Variants in COG5 observed in about 807,000 individuals in gnomAD.
COG5 encodes component of oligomeric golgi complex 5.
COG5 carries 86 observed loss-of-function variants against 110.4 expected under a neutral mutation model. The observed-to-expected ratio is 0.78, with a 90% CI of 0.65 to 0.93. COG5 has a LOEUF of 0.93. COG5 is among the 40% of genes least tolerant of loss of function. The pLI is 0.00. For missense variants in COG5, 1,077 were observed against 987.0 expected (o/e 1.09, Z -1.22); for synonymous variants, 360 against 334.6 (o/e 1.08, Z -0.83).
intron 6 of COG5, among the ~76,000 whole-genome samples, chr7:107,519,834 A>G (rs1800199428): frequency 6.6e-6 from 1 of 152,154 alleles, no homozygotes; most frequent in South Asian, 2.1e-4. Flanking sequence ...TGGCAGAGAC[A>G]CAACAAAAAA....
chr7:107,509,710 C>T lies in COG5; in HGVS notation c.538+17527G>A, dbSNP rs566063462. 5.0e-3 allele frequency among the ~76,000 whole-genome samples: 716 copies of T among 143,042 alleles called. 4 individuals carry two copies. The highest frequency in any genetic ancestry group is 7.8e-3 in the Non-Finnish European group (494 of 63,440). 93.8% of individuals were successfully genotyped at this position (143,042 alleles called of 152,430 possible). On this transcript the variant is annotated intron_variant, in intron 6 of 21. Coordinates refer to ENST00000297135, the MANE Select transcript of COG5 (RefSeq NM_006348.5). Reference sequence around the variant, plus strand: ...CTAACAGCGGATCTCTCGGCAGAAACTCTACAAGCCAGAAGAGAGTGGGGA... The same window carrying T: ...CTAACAGCGGATCTCTCGGCAGAAATTCTACAAGCCAGAAGAGAGTGGGGA...
At chr7:107,538,094 T>C (rs536556677) in intron 5 of COG5, among the ~76,000 whole-genome samples, 3 of 152,276 alleles carry the variant, frequency 2.0e-5, no homozygotes, top group East Asian at 1.9e-4. Flanking sequence ...GCTGTGTCAA[T>C]AGAAAAGGGC....
intron 6 of COG5, among the ~76,000 whole-genome samples, chr7:107,476,236 C>A (rs1796986747): frequency 8.5e-6 from 1 of 117,802 alleles, no homozygotes; most frequent in Admixed American, 8.8e-5. Flanking sequence ...AGCTGACTTC[C>A]TAACTTTATT....
intron 10 of COG5, among the ~76,000 whole-genome samples, chr7:107,355,365 C>G (rs560334310): frequency 6.6e-6 from 1 of 152,270 alleles, no homozygotes; most frequent in East Asian, 1.9e-4. Context: ...CAGTTTCTTA[C>G]TAAGCTACAT....
At chr7:107,561,984 A>AAAAG (rs1197458283) in intron 1 of COG5, among the ~76,000 whole-genome samples, 13 of 152,116 alleles carry the variant, frequency 8.5e-5, no homozygotes, top group Non-Finnish European at 1.3e-4. Flanking sequence ...TCAAAAAAAA[A>AAAAG]AAAGAAAGAA....
intron 11 of COG5, among the ~76,000 whole-genome samples, chr7:107,298,749 C>T (rs77098078): frequency 3.2e-4 from 49 of 152,238 alleles, no homozygotes; most frequent in African/African-American, 1.2e-3. Context: ...TTTTCAAGTG[C>T]ACATGGAATA....
rs2051691 is a variant in COG5 at position 107,397,627 on chromosome 7, T to C, written c.669+14875A>G. 5.3e-3 allele frequency among the ~76,000 whole-genome samples: 811 copies of C among 152,312 alleles called. 9 individuals are homozygous for C. The highest frequency in any genetic ancestry group is 0.019 in the African/African-American group (789 of 41,566). On this transcript the variant is annotated intron_variant, in intron 7 of 21. Transcript: ENST00000297135. ...TGTATCAACTCATTACTCTATAAAG[T>C]GGTAATGACAGTGAAATTTCTAAGT...
intron 12 of COG5, among the ~76,000 whole-genome samples, chr7:107,293,423 TC>T (rs1806338198): frequency 6.6e-6 from 1 of 152,198 alleles, no homozygotes; most frequent in African/African-American, 2.4e-5. Flanking sequence ...GAGAACGATC[TC>T]CACTTCACTA....
Position 107,436,986 on chromosome 7 carries a change from A to G in COG5, c.539-24354T>C, listed in dbSNP as rs1216837965. Among the ~76,000 whole-genome samples, 3 of 152,252 alleles carry G rather than the reference A, an allele frequency of 2.0e-5. No individual in the cohort carries two copies. The East Asian group carries it at 5.8e-4, about 29-fold the overall frequency. ...GAATTAAGTAAGACATTTCAATGAC[A>G]CTATTTGTGGTCAAACAGCATGTAT... is the stretch of plus-strand genomic sequence containing the variant. On this transcript the variant is annotated intron_variant, in intron 6 of 21. Transcript: ENST00000297135.
intron 11 of COG5, among the ~76,000 whole-genome samples, chr7:107,300,392 A>G (rs982229135): frequency 2.0e-5 from 3 of 152,132 alleles, no homozygotes; most frequent in Non-Finnish European, 4.4e-5. Context: ...CAGTCTTTTT[A>G]GAAAGATAAT....
chr7:107,321,736 C>T (rs1288664063), intron 11 of COG5, among the ~76,000 whole-genome samples: 1 of 151,956 alleles, frequency 6.6e-6, no homozygotes, highest in Admixed American at 6.6e-5. Flanking sequence ...ATAACATACA[C>T]GAAAATTAAC....
rs1004108980 is a variant in COG5 at position 107,297,471 on chromosome 7, C to T, written c.1313+671G>A. ...TTTTTTTTTTTTTTTTTTTTTGAGA[C>T]GGAGTATCATTTTGTCGCCCAGGCT... On this transcript the variant is annotated intron_variant, in intron 12 of 21. Transcript: ENST00000297135. Among the ~76,000 whole-genome samples the T allele has an allele frequency of 6.1e-3, 375 of 61,272 alleles. 10 individuals are homozygous for T. The Admixed American group carries it at 0.067, about 11-fold the overall frequency. 40.2% of individuals were successfully genotyped at this position (61,272 alleles called of 152,430 possible). A position where few individuals can be genotyped will look rare whatever the true frequency, so the allele number is the denominator to read the frequency against.
At chr7:107,359,922 G>A (rs903123166) in intron 10 of COG5, among the ~76,000 whole-genome samples, 3 of 152,150 alleles carry the variant, frequency 2.0e-5, no homozygotes, top group African/African-American at 7.2e-5. Context: ...CCTGCCTGCA[G>A]AAGGGACCTA....
chr7:107,562,327 A>G (rs1280134178), intron 1 of COG5, among the ~76,000 whole-genome samples: 1 of 152,234 alleles, frequency 6.6e-6, no homozygotes, highest in Non-Finnish European at 1.5e-5. Flanking sequence ...CTACTGAAAC[A>G]TATATCCAAT....
intron 18 of COG5, 99 bp from the exon 19 acceptor site, chr7:107,230,790 T>A: frequency 1.1e-6 from 1 of 888,112 alleles, no homozygotes; most frequent in Non-Finnish European, 1.9e-6. Context: ...GCAGTAAACT[T>A]AATTTTATCT....
intron 6 of COG5, among the ~76,000 whole-genome samples, chr7:107,512,504 T>G (rs1020354297): frequency 3.3e-5 from 5 of 152,130 alleles, no homozygotes; most frequent in African/African-American, 1.2e-4. Flanking sequence ...GCCATCCCCA[T>G]CAAGCTACCA....
At chr7:107,437,553 T>TC (rs1794442855) in intron 6 of COG5, among the ~76,000 whole-genome samples, 1 of 152,172 alleles carries the variant, frequency 6.6e-6, no homozygotes, top group South Asian at 2.1e-4. Context: ...TTAAAGTCCT[T>TC]CCACTGGACA....
chr7:107,354,941 C>A (rs1812495797), intron 10 of COG5, among the ~76,000 whole-genome samples: 1 of 152,170 alleles, frequency 6.6e-6, no homozygotes, highest in Admixed American at 6.5e-5. Context: ...ACTTGAATAA[C>A]TGTTACAAAA....
At chr7:107,522,432 C>G (rs1800404392) in intron 6 of COG5, among the ~76,000 whole-genome samples, 1 of 152,140 alleles carries the variant, frequency 6.6e-6, no homozygotes, top group African/African-American at 2.4e-5. Context: ...TGCGCCATTG[C>G]ACTCCAGCCT....
Sources: allele counts gnomAD v4.1 joint callset (sites outside exome capture counted in the v4.1 genomes callset), GRCh38; gene constraint gnomAD v4.1.1; transcripts MANE v1.5; gene names NCBI Gene and HGNC (gene_info 2026-07-23, HGNC 2026-07-21).